The following FAM120A variants were observed in gnomAD, a reference collection of about 807,000 sequenced individuals.
FAM120A encodes family with sequence similarity 120 member A.
Under a neutral mutation model 109.7 loss-of-function variants are expected in FAM120A, and 15 were observed. The ratio of observed to expected loss-of-function variants is 0.14; its 90% CI spans 0.09 to 0.21. The LOEUF (loss-of-function observed/expected upper bound fraction) is 0.21, where lower values mean the gene tolerates loss of function less well. FAM120A is among the 10% of genes least tolerant of loss of function. FAM120A has a pLI of 1.00. For missense variants in FAM120A, 899 were observed against 1,439.3 expected, an observed-to-expected ratio of 0.62 and a Z score of 6.07; for synonymous variants, 493 against 572.8, an observed-to-expected ratio of 0.86 and a Z score of 1.99.
In FAM120A at chr9:93,498,704, A is replaced by T. The variant is rs912630634; in HGVS notation, c.934-86A>T. 28 of 816,350 alleles carry T rather than the reference A, an allele frequency of 3.4e-5. No homozygotes were observed. The highest frequency in any genetic ancestry group is 5.4e-5 in the Non-Finnish European group (25 of 465,728). The allele number at this position is 816,350 out of a possible 1,614,324, so 50.6% of individuals were successfully genotyped here. On this transcript the variant is annotated intron_variant, in intron 4 of 17. Coordinates refer to ENST00000277165, the MANE Select transcript of FAM120A (RefSeq NM_014612.5). The surrounding 1 kb of genome is among the most constrained non-coding windows in gnomAD (Gnocchi z 4.4). ...CTAACTTGAAAAGCTGTAGAATATT[A>T]TACATGTGCTGAATTATAAAAAACA...
chr9:93,494,731 C>T (rs1859494153), intron 3 of FAM120A, among the ~76,000 whole-genome samples: 2 of 152,116 alleles, frequency 1.3e-5, no homozygotes, highest in Admixed American at 1.3e-4. Context: ...TTCAGGAGGC[C>T]TGCTTTTCTG....
intron 1 of FAM120A, among the ~76,000 whole-genome samples, chr9:93,456,580 C>G (rs539715004): frequency 1.4e-4 from 22 of 152,320 alleles, no homozygotes; most frequent in African/African-American, 5.1e-4. Context: ...TCCTTTCTCA[C>G]ATATTCCATC....
chr9:93,483,886 A>G (rs1858924836), intron 3 of FAM120A, among the ~76,000 whole-genome samples: 1 of 152,246 alleles, frequency 6.6e-6, no homozygotes, highest in Non-Finnish European at 1.5e-5. Flanking sequence ...AATTTAAAAT[A>G]CAAACTGAAC....
chr9:93,562,093 A>T, intron 16 of FAM120A, 115 bp from the exon 17 acceptor site: 1 of 862,142 alleles, frequency 1.2e-6, no homozygotes, highest in Non-Finnish European at 1.8e-6. Flanking sequence ...TAAATGGGTT[A>T]ATTCAGTGCT....
intron 15 of FAM120A, among the ~76,000 whole-genome samples, chr9:93,560,345 T>C (rs1308684431): frequency 6.6e-6 from 1 of 152,348 alleles, no homozygotes; most frequent in African/African-American, 2.4e-5. Flanking sequence ...TTTGGATACA[T>C]TGAGTTAAAT....
intron 1 of FAM120A, among the ~76,000 whole-genome samples, chr9:93,463,746 T>C (rs1453260136): frequency 6.6e-6 from 1 of 152,250 alleles, no homozygotes; most frequent in Non-Finnish European, 1.5e-5. Flanking sequence ...TGTGTCACAT[T>C]GTTCCCTGAA....
At chr9:93,481,157 G>A (rs548538174) in intron 3 of FAM120A, among the ~76,000 whole-genome samples, 1 of 152,250 alleles carries the variant, frequency 6.6e-6, no homozygotes, top group Admixed American at 6.5e-5. Context: ...ATCAGAGGCG[G>A]CCTGCGGCTG....
At chr9:93,554,577 G>A (rs1165883739) in intron 12 of FAM120A, among the ~76,000 whole-genome samples, 1 of 152,156 alleles carries the variant, frequency 6.6e-6, no homozygotes, top group Non-Finnish European at 1.5e-5. Flanking sequence ...GGAGTCTGAG[G>A]CAGGAGAATT....
chr9:93,529,679 T>C, intron 9 of FAM120A, 99 bp downstream of exon 9: 1 of 993,990 alleles, frequency 1.0e-6, no homozygotes, highest in Non-Finnish European at 1.6e-6. Context: ...CATTTTTCTG[T>C]CTTACTAATC....
intron 5 of FAM120A, among the ~76,000 whole-genome samples, chr9:93,506,199 G>T (rs183794607): frequency 6.6e-6 from 1 of 152,268 alleles, no homozygotes; most frequent in African/African-American, 2.4e-5. Context: ...TATGATCCTT[G>T]TGGAGATTTT....
chr9:93,494,482 A>G (rs1439322689), intron 3 of FAM120A, among the ~76,000 whole-genome samples: 1 of 152,066 alleles, frequency 6.6e-6, no homozygotes, highest in African/African-American at 2.4e-5. Context: ...CAGGGAGGTC[A>G]TTTGCCTCAC....
Position 93,541,427 on chromosome 9 carries a change from C to T in FAM120A, c.1910-1795C>T, listed in dbSNP as rs1306227818. 7.9e-5 allele frequency among the ~76,000 whole-genome samples: 12 copies of T among 152,118 alleles called. No individual in the cohort carries two copies. The East Asian group carries it at 9.7e-4, about 12-fold the overall frequency. ...GAGCTGTGCTGGAGATCCACAGGAT[C>T]GGGGTGGGGGCAGTGCCTTAGATTG... On this transcript the variant is annotated intron_variant, in intron 10 of 17. Transcript: ENST00000277165.
At chr9:93,560,382 C>G (rs1681752024) in intron 15 of FAM120A, among the ~76,000 whole-genome samples, 2 of 152,118 alleles carry the variant, frequency 1.3e-5, no homozygotes, top group Admixed American at 1.3e-4. Flanking sequence ...CTTCTTTCCT[C>G]TGTTTCTTTG....
intron 11 of FAM120A, among the ~76,000 whole-genome samples, chr9:93,543,879 A>G (rs1420431775): frequency 6.6e-6 from 1 of 152,224 alleles, no homozygotes; most frequent in East Asian, 1.9e-4. Flanking sequence ...ACATTGCTTA[A>G]TGATGGGGAT....
chr9:93,564,334 G>A lies in FAM120A; in HGVS notation c.3151G>A (p.Glu1051Lys), dbSNP rs1240471234. Reference sequence around the variant, plus strand: ...TATGTCTTCAGACGGGTCCCTGGCTGAAAACGGAGTGATGGCCGAGGAGAA... The same window carrying A: ...TATGTCTTCAGACGGGTCCCTGGCTAAAAACGGAGTGATGGCCGAGGAGAA... ...SAMSSDGSLA[E>K]NGVMAEEKPA... The change falls in exon 18 of 18, where the codon GAA (glutamate) becomes AAA (lysine). Residue 1051 changes from glutamate to lysine, a missense_variant. Glu to Lys is a moderately conservative substitution (Grantham distance 56). This residue lies in a region of FAM120A where 170 missense variants were observed against 205.0 expected (regional missense o/e 0.83). Coordinates refer to ENST00000277165, the MANE Select transcript of FAM120A (RefSeq NM_014612.5). The A allele has an allele frequency of 6.2e-7, 1 of 1,614,232 alleles. No homozygotes were observed.
chr9:93,490,851 C>A (rs1405715564), intron 3 of FAM120A, among the ~76,000 whole-genome samples: 1 of 152,188 alleles, frequency 6.6e-6, no homozygotes, highest in African/African-American at 2.4e-5. Flanking sequence ...GGCTCTAAAG[C>A]ATCAAAGATC....
At chr9:93,561,612 C>T (rs1862468982) in intron 16 of FAM120A, among the ~76,000 whole-genome samples, 1 of 152,100 alleles carries the variant, frequency 6.6e-6, no homozygotes, top group Admixed American at 6.5e-5. Context: ...CCAGGTTGGT[C>T]TTGAACTCCT....
intron 16 of FAM120A, among the ~76,000 whole-genome samples, chr9:93,561,923 A>C (rs952078521): frequency 3.9e-5 from 6 of 152,202 alleles, no homozygotes; most frequent in Admixed American, 3.9e-4. Flanking sequence ...TATGAACCAA[A>C]AAAATAAGAT....
At chr9:93,481,596 C>T (rs1289162482) in intron 3 of FAM120A, among the ~76,000 whole-genome samples, 1 of 152,090 alleles carries the variant, frequency 6.6e-6, no homozygotes, top group Non-Finnish European at 1.5e-5. Flanking sequence ...CCATCCATGC[C>T]AGTTGTTTGT....
Sources: allele counts gnomAD v4.1 joint callset (sites outside exome capture counted in the v4.1 genomes callset), GRCh38; gene constraint gnomAD v4.1.1; regional missense constraint gnomAD v4.1.1; non-coding constraint Gnocchi (gnomAD v3.1); transcripts MANE v1.5; gene names NCBI Gene and HGNC (gene_info 2026-07-23, HGNC 2026-07-21).